The following AKT1 variants were observed in gnomAD, a reference collection of about 807,000 sequenced individuals.
AKT1 encodes the protein RAC-alpha serine/threonine-protein kinase.
A neutral mutation model predicts 63.1 loss-of-function variants in AKT1; 21 were observed. That is an observed-to-expected ratio of 0.33 (90% CI 0.24 to 0.48). The LOEUF is 0.48. Among genes scored for constraint, AKT1 ranks in the 20% least tolerant of loss-of-function variants. The pLI is 0.99. For synonymous variants in AKT1, 257 were observed against 253.1 expected, an observed-to-expected ratio of 1.02 and a Z score of -0.15; for missense variants, 382 against 666.0, an observed-to-expected ratio of 0.57 and a Z score of 4.69.
At chr14:104,770,553 G>A (rs1184641975) in intron 14 of AKT1, 133 bp from the exon 15 acceptor site, 4 of 1,035,094 alleles carry the variant, frequency 3.9e-6, no homozygotes, top group African/African-American at 1.6e-5. Context: ...CTGAGACAGG[G>A]CCCCACAGAT....
chr14:104,775,826 G>A (rs1892669119), intron 5 of AKT1, 27 bp from the exon 6 acceptor site: 8 of 1,610,034 alleles, frequency 5.0e-6, no homozygotes, highest in South Asian at 1.1e-5. Context: ...GAGGCTGCAG[G>A]CCTGTACCAG....
At chr14:104,790,552 G>A (rs1398815475) in intron 3 of AKT1, among the ~76,000 whole-genome samples, 2 of 152,194 alleles carry the variant, frequency 1.3e-5, no homozygotes, top group Non-Finnish European at 2.9e-5. Flanking sequence ...GGCAGGCCCC[G>A]GAGGACAGGC....
chr14:104,784,132 G>A (rs1262022251), intron 3 of AKT1, among the ~76,000 whole-genome samples: 1 of 152,184 alleles, frequency 6.6e-6, no homozygotes, highest in Non-Finnish European at 1.5e-5. Context: ...TGGCCCCCTG[G>A]GCAGTGGGAG....
chr14:104,790,163 G>C (rs913919403), intron 3 of AKT1, among the ~76,000 whole-genome samples: 4 of 152,230 alleles, frequency 2.6e-5, no homozygotes, highest in African/African-American at 9.6e-5. Flanking sequence ...ACTGTCACCT[G>C]GGGATTCAGC....
intron 13 of AKT1, 44 bp downstream of exon 13, chr14:104,772,321 G>T (rs890223603): frequency 6.3e-7 from 1 of 1,597,796 alleles, no homozygotes; most frequent in Non-Finnish European, 8.6e-7. Context: ...GTGTGGATAT[G>T]TGGGGAGCAT....
chr14:104,792,828 G>T, intron 2 of AKT1, 106 bp from the exon 3 acceptor site: 1 of 674,002 alleles, frequency 1.5e-6, no homozygotes, highest in East Asian at 2.7e-5. Flanking sequence ...GGCTCCACCC[G>T]CACCTGCCTT....
chr14:104,772,265 G>T (rs1566815875), intron 13 of AKT1, 100 bp downstream of exon 13: 1 of 1,293,152 alleles, frequency 7.7e-7, no homozygotes. Flanking sequence ...CTGAGGTGAG[G>T]GCGAGTGTGT....
rs768098229 is a variant in AKT1 at position 104,775,642 on chromosome 14, C to T, written c.435+10G>A. 2 of 1,613,464 alleles carry T rather than the reference C, an allele frequency of 1.2e-6. No individual in the cohort carries two copies. Among genetic ancestry groups the T allele is most frequent in the Admixed American group, 3.3e-5 (2 of 59,992 alleles). On this transcript the variant is annotated intron_variant, in intron 6 of 14. Transcript: ENST00000649815. ...CCCCAGGCACAGGCAGAAGTGGGGA[C>T]AGGCCTCACCACGCGGTGCTTGGGC...
In AKT1 at chr14:104,770,018, C is replaced by G. The variant is rs1130245; in HGVS notation, c.*323G>C. ...AGGGGACACATGGGCAGGACCTGCCCGGCCCCCCAATGCCACATTGCGCAT... is the reference window on the plus strand; with the variant it reads ...AGGGGACACATGGGCAGGACCTGCCGGGCCCCCCAATGCCACATTGCGCAT... On this transcript the variant is annotated 3_prime_UTR_variant, in exon 15 of 15. Transcript: ENST00000649815. The G allele has an allele frequency of 4.3e-6, 2 of 468,470 alleles. No individual in the cohort carries two copies. Among genetic ancestry groups the G allele is most frequent in the Admixed American group, 7.4e-5 (2 of 26,912 alleles). The allele number at this position is 468,470 out of a possible 1,614,324, so 29.0% of individuals were successfully genotyped here.
intron 3 of AKT1, among the ~76,000 whole-genome samples, chr14:104,787,437 G>A (rs910064464): frequency 1.3e-5 from 2 of 152,162 alleles, no homozygotes; most frequent in African/African-American, 4.8e-5. Flanking sequence ...GGGTGGCCTG[G>A]GGAGCAGGCC....
intron 3 of AKT1, among the ~76,000 whole-genome samples, chr14:104,782,334 C>T (rs905418776): frequency 5.9e-5 from 9 of 152,286 alleles, no homozygotes; most frequent in Admixed American, 2.6e-4. Context: ...CGCCCAGGCC[C>T]GGCACCCCTG....
intron 3 of AKT1, among the ~76,000 whole-genome samples, chr14:104,784,719 C>T (rs1462317025): frequency 2.0e-5 from 3 of 152,208 alleles, no homozygotes; most frequent in Non-Finnish European, 4.4e-5. Context: ...CTCTCCACGC[C>T]TCACACACGT....
chr14:104,794,952 C>A (rs1021567553), intron 1 of AKT1: 4 of 152,292 alleles, frequency 2.6e-5, no homozygotes, highest in African/African-American at 9.6e-5. Flanking sequence ...GAAGCAGTTC[C>A]GGGGCCCAGG....
chr14:104,781,636 C>T (rs1893051404), intron 3 of AKT1, among the ~76,000 whole-genome samples: 1 of 152,180 alleles, frequency 6.6e-6, no homozygotes, highest in Admixed American at 6.5e-5. Context: ...AATGCCCTTC[C>T]CACCAGCACC....
intron 4 of AKT1, chr14:104,777,551 C>G: frequency 9.8e-7 from 1 of 1,016,446 alleles, no homozygotes; most frequent in Non-Finnish European, 1.2e-6. Context: ...GGCACAAGCA[C>G]ACCTGGGGAA....
chr14:104,772,681 C>G (rs1043300285), intron 12 of AKT1, among the ~76,000 whole-genome samples, 197 bp downstream of exon 12: 1 of 152,160 alleles, frequency 6.6e-6, no homozygotes, highest in Non-Finnish European at 1.5e-5. Flanking sequence ...GGGTTGGGGA[C>G]AGAGGCCCAA....
At chr14:104,780,697 G>A (rs1465035338) in intron 3 of AKT1, among the ~76,000 whole-genome samples, 1 of 151,512 alleles carries the variant, frequency 6.6e-6, no homozygotes, top group Non-Finnish European at 1.5e-5. Context: ...GCTTGTGTGG[G>A]CTGCCCAGCA....
intron 8 of AKT1, chr14:104,774,230 C>G (rs1892581854): frequency 9.0e-6 from 5 of 557,158 alleles, no homozygotes; most frequent in Non-Finnish European, 1.3e-5. Flanking sequence ...GCCACGCTGC[C>G]CCACACCACA....
intron 5 of AKT1, 178 bp from the exon 6 acceptor site, chr14:104,775,977 C>T (rs1222347563): frequency 5.7e-6 from 4 of 699,228 alleles, no homozygotes; most frequent in African/African-American, 1.8e-5. Flanking sequence ...GTCACGAAGC[C>T]CTCTTGGACG....
Sources: gnomAD v4.1 joint callset for allele counts (sites outside exome capture counted in the v4.1 genomes callset) on GRCh38, gnomAD v4.1.1 for gene constraint, MANE v1.5 for transcripts, NCBI Gene and HGNC (gene_info 2026-07-23, HGNC 2026-07-21) for gene names.